Variants in C8orf89 observed in about 807,000 individuals in gnomAD.
C8orf89 encodes the protein chromosome 8 open reading frame 89, also known as putative uncharacterized protein C8orf89.
Under a neutral mutation model 15.8 loss-of-function variants are expected in C8orf89, and 14 were observed. That is an observed-to-expected ratio of 0.89 (90% CI 0.59 to 1.39). C8orf89 has a LOEUF of 1.39. Ranked by LOEUF, C8orf89 falls within the 40% of genes most tolerant of loss-of-function variation. C8orf89 has a pLI of 0.00. For missense variants in C8orf89, 181 were observed against 184.5 expected, an observed-to-expected ratio of 0.98 and a Z score of 0.11; for synonymous variants, 55 against 62.2, an observed-to-expected ratio of 0.88 and a Z score of 0.54.
At chr8:73,272,774 A>G in the C8orf89 span, among the ~76,000 whole-genome samples, 155 of 152,338 alleles carry the variant, frequency 1.0e-3, 1 homozygote, top group South Asian at 7.9e-3. Context: ...TCCCTACAAA[A>G]GACATGAACT....
the C8orf89 span, among the ~76,000 whole-genome samples, chr8:73,266,911 T>C: frequency 6.6e-6 from 1 of 151,968 alleles, no homozygotes; most frequent in Non-Finnish European, 1.5e-5. Context: ...ATATACAAAA[T>C]GAACCTGTAA....
chr8:73,269,518 A>G, the C8orf89 span, among the ~76,000 whole-genome samples: 7 of 152,176 alleles, frequency 4.6e-5, no homozygotes, highest in Non-Finnish European at 1.0e-4. Context: ...GTGAGAAGCA[A>G]TGGCAGATGC....
chr8:73,256,822 G>T, intron 2 of C8orf89, 151 bp downstream of exon 2: 1 of 417,508 alleles, frequency 2.4e-6, no homozygotes, highest in Non-Finnish European at 3.9e-6. Flanking sequence ...GAATAAAATA[G>T]CTTAGATTTT....
At chr8:73,272,804 CT>C in the C8orf89 span, among the ~76,000 whole-genome samples, 18 of 152,088 alleles carry the variant, frequency 1.2e-4, no homozygotes. Context: ...TTTATGGCTG[CT>C]TAATTTTTGT....
At chr8:73,256,907 T>A in intron 2 of C8orf89, 66 bp downstream of exon 2, 1 of 1,089,924 alleles carries the variant, frequency 9.2e-7, no homozygotes. Context: ...CAGAAAAACC[T>A]CTACATTCAG....
At chr8:73,277,683 C>T in the C8orf89 span, 1 of 753,946 alleles carries the variant, frequency 1.3e-6, no homozygotes, top group Non-Finnish European at 2.5e-6. Context: ...GGAAATCCTT[C>T]ACTTCATTCC....
At chr8:73,250,427 A>T (rs1813222944) in intron 2 of C8orf89, 104 bp from the exon 3 acceptor site, 1 of 686,536 alleles carries the variant, frequency 1.5e-6, no homozygotes, top group African/African-American at 1.8e-5. Context: ...AATGTTAAGG[A>T]AAGGAAAGTC....
At chr8:73,276,945 T>C in the C8orf89 span, among the ~76,000 whole-genome samples, 1 of 151,748 alleles carries the variant, frequency 6.6e-6, no homozygotes, top group African/African-American at 2.4e-5. Flanking sequence ...TAGCTGGGAC[T>C]ACAGGTGCAC....
chr8:73,276,093 A>G, the C8orf89 span, among the ~76,000 whole-genome samples: 1 of 151,796 alleles, frequency 6.6e-6, no homozygotes, highest in African/African-American at 2.4e-5. Context: ...GAAAGGGTTC[A>G]TAGGAAGTAA....
intron 2 of C8orf89, among the ~76,000 whole-genome samples, 156 bp downstream of exon 2, chr8:73,256,817 A>C (rs1813401051): frequency 6.6e-6 from 1 of 151,610 alleles, no homozygotes; most frequent in African/African-American, 2.4e-5. Flanking sequence ...AAACTGAATA[A>C]AATAGCTTAG....
intron 2 of C8orf89, among the ~76,000 whole-genome samples, chr8:73,255,375 C>A (rs1289212456): frequency 9.3e-5 from 14 of 151,252 alleles, no homozygotes; most frequent in Middle Eastern, 3.4e-3. Context: ...AAAATGCTCA[C>A]CATCACTGGC....
the C8orf89 span, chr8:73,277,687 T>G: frequency 1.3e-6 from 1 of 753,570 alleles, no homozygotes; most frequent in Non-Finnish European, 2.5e-6. Context: ...ATCCTTCACT[T>G]CATTCCTGAT....
At chr8:73,277,983 G>A in the C8orf89 span, 2 of 632,036 alleles carry the variant, frequency 3.2e-6, no homozygotes, top group Non-Finnish European at 6.0e-6. Flanking sequence ...GCAGCCCCCA[G>A]GGCTCTTGCA....
At chr8:73,243,317 A>ATC (rs912914228) in intron 3 of C8orf89, among the ~76,000 whole-genome samples, 2 of 152,184 alleles carry the variant, frequency 1.3e-5, no homozygotes, top group Non-Finnish European at 2.9e-5. Flanking sequence ...GTATAATTTG[A>ATC]TTGTTTGTAA....
chr8:73,261,801 A>C (rs558351653), upstream of C8orf89, among the ~76,000 whole-genome samples: 8 of 152,252 alleles, frequency 5.3e-5, no homozygotes, highest in African/African-American at 1.7e-4. Flanking sequence ...CCAGCTCAGC[A>C]CTGGTTCCAA....
At chr8:73,268,909 C>A in the C8orf89 span, among the ~76,000 whole-genome samples, 2 of 152,142 alleles carry the variant, frequency 1.3e-5, no homozygotes, top group Non-Finnish European at 2.9e-5. Flanking sequence ...GACAAAACAG[C>A]TTGAGCTCCT....
intron 3 of C8orf89, among the ~76,000 whole-genome samples, chr8:73,248,851 G>C (rs1813185324): frequency 6.6e-6 from 1 of 152,108 alleles, no homozygotes; most frequent in African/African-American, 2.4e-5. Context: ...CCAAGACTAT[G>C]GGGTTTTCTG....
chr8:73,255,487 G>A (rs1813350891), intron 2 of C8orf89, among the ~76,000 whole-genome samples: 1 of 152,144 alleles, frequency 6.6e-6, no homozygotes, highest in East Asian at 1.9e-4. Flanking sequence ...TAGAGAGGAT[G>A]TGGAGAAATC....
the C8orf89 span, among the ~76,000 whole-genome samples, chr8:73,271,309 G>A: frequency 6.6e-6 from 1 of 152,216 alleles, no homozygotes; most frequent in African/African-American, 2.4e-5. Flanking sequence ...AGTGGGAGGT[G>A]TTTGGGTCAT....
Sources: gnomAD v4.1 joint callset for allele counts (sites outside exome capture counted in the v4.1 genomes callset) on GRCh38, gnomAD v4.1.1 for gene constraint, MANE v1.5 for transcripts, NCBI Gene and HGNC (gene_info 2026-07-23, HGNC 2026-07-21) for gene names.